The following PACS1 variants were observed in gnomAD, a reference collection of about 807,000 sequenced individuals.
PACS1 encodes the protein PACS-1.
Under a neutral mutation model 115.0 loss-of-function variants are expected in PACS1, and 24 were observed. The observed-to-expected ratio is 0.21, with a 90% CI of 0.15 to 0.29. The LOEUF is 0.29. Ranked by LOEUF, PACS1 falls within the 10% of genes least tolerant of loss-of-function variation. The probability of loss-of-function intolerance (pLI) is 1.00; values close to 1 mark genes in which losing one functional copy is unlikely to be tolerated. For missense variants in PACS1, 838 were observed against 1,251.2 expected (o/e 0.67, Z 4.98); for synonymous variants, 453 against 504.5 (o/e 0.90, Z 1.37).
chr11:66,228,940 G>A (rs896964415), intron 11 of PACS1, among the ~76,000 whole-genome samples: 1 of 152,120 alleles, frequency 6.6e-6, no homozygotes, highest in African/African-American at 2.4e-5. Flanking sequence ...AAGTAGGCAG[G>A]TGTGCGGCCT....
intron 1 of PACS1, among the ~76,000 whole-genome samples, chr11:66,134,539 A>G (rs1222102210): frequency 6.6e-6 from 1 of 150,438 alleles, no homozygotes; most frequent in African/African-American, 2.5e-5. Context: ...ATATAGGGAC[A>G]GATGGGTTTG....
At chr11:66,083,132 T>C (rs990034794) in intron 1 of PACS1, among the ~76,000 whole-genome samples, 3 of 152,180 alleles carry the variant, frequency 2.0e-5, no homozygotes, top group African/African-American at 7.2e-5. Flanking sequence ...GTTGACAGCA[T>C]TCTGTCATCT....
intron 1 of PACS1, among the ~76,000 whole-genome samples, chr11:66,115,445 A>G (rs941755292): frequency 1.3e-5 from 2 of 152,188 alleles, no homozygotes; most frequent in African/African-American, 4.8e-5. Context: ...TTAGCACTCA[A>G]AATATTTAAA....
At chr11:66,155,454 A>C (rs1859328445) in intron 1 of PACS1, among the ~76,000 whole-genome samples, 1 of 152,218 alleles carries the variant, frequency 6.6e-6, no homozygotes, top group Non-Finnish European at 1.5e-5. Flanking sequence ...TATACTTCAC[A>C]AGGTAAGATA....
intron 17 of PACS1, 84 bp downstream of exon 17, chr11:66,234,326 C>T: frequency 1.2e-6 from 1 of 861,854 alleles, no homozygotes; most frequent in Non-Finnish European, 2.0e-6. Flanking sequence ...TGAGGTCATG[C>T]TGCTTTCCTC....
chr11:66,200,648 T>G (rs1225147052), intron 2 of PACS1, among the ~76,000 whole-genome samples: 2 of 152,106 alleles, frequency 1.3e-5, no homozygotes, highest in Admixed American at 1.3e-4. Flanking sequence ...CCCAGATATA[T>G]AAAGCAAATA....
chr11:66,118,898 C>T (rs1230443212), intron 1 of PACS1, among the ~76,000 whole-genome samples: 1 of 151,486 alleles, frequency 6.6e-6, no homozygotes, highest in African/African-American at 2.4e-5. Context: ...AATACAGAAA[C>T]TAAAAAACAT....
At chr11:66,237,340 G>A (rs930184976) in intron 19 of PACS1, among the ~76,000 whole-genome samples, 1 of 152,244 alleles carries the variant, frequency 6.6e-6, no homozygotes, top group Non-Finnish European at 1.5e-5. Flanking sequence ...GGGATTACAG[G>A]CGTGAGCCAC....
chr11:66,081,295 A>G (rs1278417408), intron 1 of PACS1, among the ~76,000 whole-genome samples: 4 of 152,208 alleles, frequency 2.6e-5, no homozygotes, highest in Admixed American at 6.5e-5. Context: ...TATCATCAGA[A>G]TTAAATAAGG....
chr11:66,097,225 G>T lies in PACS1; in HGVS notation c.356+26383G>T, dbSNP rs1590741699. Among the ~76,000 whole-genome samples the T allele has an allele frequency of 2.0e-5, 3 of 152,156 alleles. No individual in the cohort carries two copies. The East Asian group carries it at 5.8e-4, about 29-fold the overall frequency. ...GCCCTTGGGTGCAGGTGGGACCTGT[G>T]ATTGACTCCTCACTGATAGAATATG... On this transcript the variant is annotated intron_variant, in intron 1 of 23. Coordinates refer to ENST00000320580, the MANE Select transcript of PACS1 (RefSeq NM_018026.4).
At position 66,213,148 on chromosome 11, in the gene PACS1, G is replaced by A. The variant is rs190133111; in HGVS notation, c.660+1889G>A. Among the ~76,000 whole-genome samples, 57 of 152,238 alleles carry A rather than the reference G, an allele frequency of 3.7e-4. No individual in the cohort carries two copies. In the East Asian group the frequency reaches 9.5e-3, roughly 25 times the overall value. On this transcript the variant is annotated intron_variant, in intron 4 of 23. Coordinates refer to ENST00000320580, the MANE Select transcript of PACS1 (RefSeq NM_018026.4). The stretch of plus-strand genomic sequence containing the variant: ...ATTACAGGCGTGAGCCACTGCTCCC[G>A]GCCTCATTAATTGGCTTTCTGTAGT...
At chr11:66,232,696 C>G (rs1855621228) in intron 14 of PACS1, among the ~76,000 whole-genome samples, 1 of 152,124 alleles carries the variant, frequency 6.6e-6, no homozygotes, top group Non-Finnish European at 1.5e-5. Context: ...CTGGCTTAGA[C>G]ACTGGTGCCG....
chr11:66,155,455 AG>A (rs1859328582), intron 1 of PACS1, among the ~76,000 whole-genome samples: 1 of 152,214 alleles, frequency 6.6e-6, no homozygotes, highest in African/African-American at 2.4e-5. Context: ...ATACTTCACA[AG>A]GTAAGATAAA....
At chr11:66,215,034 G>A (rs1454824169) in intron 4 of PACS1, among the ~76,000 whole-genome samples, 1 of 152,090 alleles carries the variant, frequency 6.6e-6, no homozygotes, top group African/African-American at 2.4e-5. Context: ...CTGGGTTCAA[G>A]TGATTCTCCT....
chr11:66,129,256 A>G (rs1858647741), intron 1 of PACS1, among the ~76,000 whole-genome samples: 2 of 151,326 alleles, frequency 1.3e-5, no homozygotes, highest in South Asian at 4.2e-4. Flanking sequence ...AGATGGTGAA[A>G]CCCTGTCTCT....
intron 2 of PACS1, among the ~76,000 whole-genome samples, chr11:66,208,689 A>AG (rs1362186100): frequency 6.8e-6 from 1 of 147,578 alleles, no homozygotes; most frequent in African/African-American, 2.5e-5. Context: ...AGAAAAAGAA[A>AG]GAAAGGAAGG....
In PACS1 at chr11:66,070,764, G is replaced by A; in HGVS notation, c.278G>A (p.Gly93Asp). Residue 93 changes from glycine (G) to aspartate (D), a missense_variant, in exon 1 of 24, where the codon GGC becomes GAC. Around this residue, in one of 6 missense-constraint regions of PACS1, gnomAD observed 129 missense variants for 109.4 expected, o/e 1.18. Coordinates refer to ENST00000320580, the MANE Select transcript of PACS1 (RefSeq NM_018026.4). The surrounding 1 kb of genome is among the most constrained non-coding windows in gnomAD (Gnocchi z 5.9). ...GCGCCTCCCGGTGGCCCGGGGCCAG[G>A]CCGCACCCCCGCCCCGGTGCAGATG... is the stretch of plus-strand genomic sequence containing the variant. ...GSAPPGGPGPGRTPAPVQMNL... is the reference protein window; with the variant it reads ...GSAPPGGPGPDRTPAPVQMNL... 6.5e-7 allele frequency: 1 copy of A among 1,545,166 alleles called. No homozygotes were observed.
At chr11:66,132,063 C>G (rs1012326770) in intron 1 of PACS1, among the ~76,000 whole-genome samples, 5 of 152,076 alleles carry the variant, frequency 3.3e-5, no homozygotes, top group Non-Finnish European at 7.4e-5. Flanking sequence ...ACAATGGATA[C>G]TGATATAGGT....
At chr11:66,092,559 G>T (rs1229563314) in intron 1 of PACS1, among the ~76,000 whole-genome samples, 2 of 151,728 alleles carry the variant, frequency 1.3e-5, no homozygotes, top group African/African-American at 4.8e-5. Flanking sequence ...GGCTTTTGTT[G>T]CCATTGCTTT....
Sources: gnomAD v4.1 joint callset for allele counts (sites outside exome capture counted in the v4.1 genomes callset) on GRCh38, gnomAD v4.1.1 for gene constraint, gnomAD v4.1.1 regional missense constraint, Gnocchi (gnomAD v3.1) non-coding constraint, MANE v1.5 for transcripts, NCBI Gene and HGNC (gene_info 2026-07-23, HGNC 2026-07-21) for gene names.